Variants in CLDN14 observed in about 807,000 individuals in gnomAD.
CLDN14 encodes claudin 14.
Under a neutral mutation model 2.1 loss-of-function variants are expected in CLDN14, and 2 were observed. The observed-to-expected ratio is 0.96, with a 90% CI of 0.39 to 3.01. The LOEUF (loss-of-function observed/expected upper bound fraction) is 3.01. Among genes scored for constraint, CLDN14 ranks in the 30% most tolerant of loss-of-function variants. The probability of loss-of-function intolerance (pLI) is 0.09; values close to 1 mark genes in which losing one functional copy is unlikely to be tolerated. For missense variants in CLDN14, 298 were observed against 328.0 expected, an observed-to-expected ratio of 0.91 and a Z score of 0.71; for synonymous variants, 136 against 154.4, an observed-to-expected ratio of 0.88 and a Z score of 0.88.
At chr21:36,497,787 A>G (rs1384435888) in intron 2 of CLDN14, among the ~76,000 whole-genome samples, 185 of 152,102 alleles carry the variant, frequency 1.2e-3, no homozygotes, top group Non-Finnish European at 8.8e-5. Context: ...CCTCAAAGCA[A>G]TGAGTTAGGA....
intron 1 of CLDN14, among the ~76,000 whole-genome samples, chr21:36,571,539 C>A (rs2087710450): frequency 6.6e-6 from 1 of 152,162 alleles, no homozygotes. Context: ...ACACTCTTAC[C>A]TTCACATCTA....
At chr21:36,463,672 A>G (rs1043406964) in intron 1 of CLDN14, among the ~76,000 whole-genome samples, 3 of 152,214 alleles carry the variant, frequency 2.0e-5, no homozygotes, top group African/African-American at 7.2e-5. Flanking sequence ...GGATCATGCC[A>G]TTGCACTCCA....
chr21:36,465,530 A>G (rs1295943292), intron 1 of CLDN14, among the ~76,000 whole-genome samples: 1 of 152,186 alleles, frequency 6.6e-6, no homozygotes, highest in Non-Finnish European at 1.5e-5. Context: ...TAATAATTCA[A>G]CTTCCCCGCA....
At chr21:36,572,407 T>C (rs2087716237) in intron 1 of CLDN14, among the ~76,000 whole-genome samples, 1 of 152,094 alleles carries the variant, frequency 6.6e-6, no homozygotes, top group Non-Finnish European at 1.5e-5. Flanking sequence ...AGTCCAGGTG[T>C]GGGGCTGTTT....
intron 1 of CLDN14, among the ~76,000 whole-genome samples, chr21:36,527,125 T>C (rs2087337946): frequency 6.6e-6 from 1 of 152,258 alleles, no homozygotes; most frequent in Non-Finnish European, 1.5e-5. Context: ...GGTCCAACAC[T>C]GTGAAGCTCA....
At chr21:36,503,473 C>T (rs7278261) in intron 2 of CLDN14, among the ~76,000 whole-genome samples, 127,400 of 152,174 alleles carry the variant, frequency 0.84, 54,082 homozygotes, top group Non-Finnish European at 0.91. Flanking sequence ...GTTCTCGTGA[C>T]AGAGATCTGA....
At chr21:36,484,371 G>T (rs1410821936), upstream of CLDN14, among the ~76,000 whole-genome samples, 1 of 152,066 alleles carries the variant, frequency 6.6e-6, no homozygotes, top group South Asian at 2.1e-4. Context: ...CCGAAACTTG[G>T]CCAGAGCATT....
intron 1 of CLDN14, among the ~76,000 whole-genome samples, chr21:36,537,805 A>G (rs2087439899): frequency 1.3e-5 from 2 of 151,916 alleles, no homozygotes; most frequent in Non-Finnish European, 2.9e-5. Flanking sequence ...GCGTGCCTCC[A>G]CGCCTGACTA....
chr21:36,473,472 C>T (rs2086735245), intron 1 of CLDN14, among the ~76,000 whole-genome samples: 1 of 152,214 alleles, frequency 6.6e-6, no homozygotes, highest in Non-Finnish European at 1.5e-5. Flanking sequence ...TATATAAATG[C>T]ATATTCGATT....
rs141279841 is a variant in CLDN14 at position 36,476,780 on chromosome 21, C to A, written c.-82+2715G>T. Among the ~76,000 whole-genome samples, 1,084 of 152,342 alleles carry A rather than the reference C, an allele frequency of 7.1e-3. 5 individuals carry two copies. Among genetic ancestry groups the A allele is most frequent in the Non-Finnish European group, 0.011 (731 of 68,030 alleles). ...GATGACCTTTGAAAACAAATCTCCT[C>A]CTGGCCCAGGCCCCAAAGCATACAC... On this transcript the variant is annotated intron_variant, in intron 1 of 1. Transcript: ENST00000399135.
At position 36,527,540 on chromosome 21, in the gene CLDN14, G is replaced by T. The variant is rs1045913716; in HGVS notation, c.-219-17040C>A. On this transcript the variant is annotated intron_variant, in intron 1 of 2. Transcript: ENST00000342108. The stretch of plus-strand genomic sequence containing the variant: ...GATGCTTCCACCAGATGGCCAGCCC[G>T]CCTTGAAGTGACATTTCCCATTTCC... Among the ~76,000 whole-genome samples the T allele has an allele frequency of 3.3e-5, 5 of 152,282 alleles. No individual in the cohort carries two copies. In the East Asian group the frequency reaches 9.6e-4, roughly 29 times the overall value.
chr21:36,464,115 G>A (rs2086614858), intron 1 of CLDN14, among the ~76,000 whole-genome samples: 1 of 152,134 alleles, frequency 6.6e-6, no homozygotes, highest in Non-Finnish European at 1.5e-5. Context: ...TCTTGTGATA[G>A]TGAGTGAGTT....
intron 2 of CLDN14, chr21:36,486,076 G>A (rs2086892153): frequency 7.2e-6 from 10 of 1,387,548 alleles, no homozygotes; most frequent in Non-Finnish European, 1.0e-5. Flanking sequence ...CTTCATTGTT[G>A]GGATCCACAC....
intron 2 of CLDN14, among the ~76,000 whole-genome samples, chr21:36,501,923 C>CT (rs10691614): frequency 0.064 from 9,534 of 148,500 alleles, 645 homozygotes; most frequent in East Asian, 0.17. Flanking sequence ...TTGAAAAGAC[C>CT]TTTTTTTTTT....
In CLDN14 at chr21:36,494,589, C is replaced by A. The variant is rs188990197; in HGVS notation, c.-82+15774G>T. Among the ~76,000 whole-genome samples the A allele has an allele frequency of 2.4e-4, 36 of 152,278 alleles. 1 individual carries two copies. The East Asian group carries it at 6.0e-3, about 25-fold the overall frequency. On this transcript the variant is annotated intron_variant, in intron 2 of 2. Coordinates refer to the CLDN14 transcript ENST00000342108. ...CTTGGAGATGGAGTGTACAAAGAGG[C>A]GATTCAGTTAAAATGAGTTCGTACG...
chr21:36,509,105 A>C (rs951101096), intron 2 of CLDN14, among the ~76,000 whole-genome samples: 2 of 152,166 alleles, frequency 1.3e-5, no homozygotes, highest in Non-Finnish European at 2.9e-5. Flanking sequence ...ACAGTGTCAA[A>C]TTATTATCCT....
intron 2 of CLDN14, among the ~76,000 whole-genome samples, chr21:36,501,869 G>T (rs1348209981): frequency 2.0e-5 from 3 of 151,788 alleles, no homozygotes; most frequent in Non-Finnish European, 4.4e-5. Context: ...TTAGGATCTT[G>T]TTACTAGGCC....
At chr21:36,522,344 G>T (rs2087277223) in intron 1 of CLDN14, among the ~76,000 whole-genome samples, 1 of 152,220 alleles carries the variant, frequency 6.6e-6, no homozygotes, top group African/African-American at 2.4e-5. Flanking sequence ...AGTCCAAATT[G>T]TGTGTCCTGA....
In CLDN14 at chr21:36,564,546, G is replaced by A. The variant is rs917879791; in HGVS notation, c.-220+11865C>T. On this transcript the variant is annotated intron_variant, in intron 1 of 2. Coordinates refer to the CLDN14 transcript ENST00000342108. ...GGCTGGGATTGAGTCTCTTTGGTGA[G>A]CAACCTCCTAGATGTAATTCTAGAG... 2.0e-5 allele frequency among the ~76,000 whole-genome samples: 3 copies of A among 152,188 alleles called. No homozygotes were observed. The East Asian group carries it at 5.8e-4, about 29-fold the overall frequency.
Sources: allele counts gnomAD v4.1 joint callset (sites outside exome capture counted in the v4.1 genomes callset), GRCh38; gene constraint gnomAD v4.1.1; transcripts MANE v1.5; gene names NCBI Gene and HGNC (gene_info 2026-07-23, HGNC 2026-07-21).